NEIL1: variants seen among roughly 807,000 people sequenced by gnomAD.
NEIL1 encodes endonuclease 8-like 1.
A neutral mutation model predicts 44.2 loss-of-function variants in NEIL1; 31 were observed. The ratio of observed to expected loss-of-function variants is 0.70; its 90% CI spans 0.53 to 0.95. NEIL1 has a LOEUF of 0.95. Among genes scored for constraint, NEIL1 ranks in the 40% least tolerant of loss-of-function variants. The pLI, the probability that NEIL1 is intolerant of heterozygous loss-of-function variation, is 0.00. For synonymous variants in NEIL1, 254 were observed against 209.7 expected (o/e 1.21, Z -1.83); for missense variants, 549 against 515.5 (o/e 1.07, Z -0.63).
chr15:75,348,552 A>G, intron 1 of NEIL1: 1 of 1,184,098 alleles, frequency 8.4e-7, no homozygotes, highest in Non-Finnish European at 1.1e-6. Context: ...GAGATCCGTG[A>G]GTGAGGGGAG....
At chr15:75,354,915 T>C (rs759144574) in intron 9 of NEIL1, 49 bp from the exon 10 acceptor site, 17 of 1,611,746 alleles carry the variant, frequency 1.1e-5, no homozygotes, top group Non-Finnish European at 1.1e-5. Flanking sequence ...AAGGCTGCCA[T>C]GGCAGCCCCT....
At chr15:75,351,842 G>C (rs5745916) in intron 2 of NEIL1, 2 of 374,654 alleles carry the variant, frequency 5.3e-6, no homozygotes, top group Non-Finnish European at 1.0e-5. Context: ...GGCTGGTCTC[G>C]ACCTCCTGAC....
Position 75,355,946 on chromosome 15 carries a change from A to G in NEIL1, c.*912A>G. ...CTGAAGCACGAGCAACAGGGACAGC[A>G]CTTGGAAGGGAGAAAAGGTGAGCTT... On this transcript the variant is annotated 3_prime_UTR_variant, in exon 10 of 10. Transcript: ENST00000355059. 6.2e-7 allele frequency: 1 copy of G among 1,614,198 alleles called. No homozygotes were observed. The highest frequency in any genetic ancestry group is 8.5e-7 in the Non-Finnish European group (1 of 1,180,030).
chr15:75,352,331 A>T lies in NEIL1; in HGVS notation c.562A>T (p.Ile188Phe), dbSNP rs1555432103. 3.7e-6 allele frequency: 6 copies of T among 1,614,032 alleles called. No individual in the cohort carries two copies. The highest frequency in any genetic ancestry group is 1.7e-4 in the Middle Eastern group (1 of 6,054). ...GCCTTGCCCCCACTACAGGCTGAAG[A>T]TCCCCCCCTTTGAGAAGGCCCGCTC... is the stretch of plus-strand genomic sequence containing the variant. ...LRAEILYRLK[I>F]PPFEKARSVL... is the part of the protein sequence containing the mutation. Residue 188 changes from isoleucine to phenylalanine, a missense_variant, in exon 4 of 10, where the codon ATC (isoleucine) becomes TTC (phenylalanine). Transcript: ENST00000355059.
In NEIL1 at chr15:75,353,637, A is replaced by T. The variant is rs2072106533; in HGVS notation, c.719-102A>T. On this transcript the variant is annotated intron_variant, in intron 5 of 9. Coordinates refer to ENST00000355059, the MANE Select transcript of NEIL1 (RefSeq NM_024608.4). ...GAGAGTGTGGCCCCTGACTCAGTCCATCAGCTTGTGTAGCTGAGGTCTGGG... is the reference window on the plus strand; with the variant it reads ...GAGAGTGTGGCCCCTGACTCAGTCCTTCAGCTTGTGTAGCTGAGGTCTGGG... The T allele has an allele frequency of 6.4e-6, 8 of 1,240,918 alleles. No individual in the cohort carries two copies. In the African/African-American group the frequency reaches 7.4e-5, roughly 11 times the overall value. 76.9% of individuals were successfully genotyped at this position (1,240,918 alleles called of 1,614,324 possible). A position where few individuals can be genotyped will look rare whatever the true frequency, so the allele number is the denominator to read the frequency against.
intron 1 of NEIL1, chr15:75,347,708 A>C: frequency 1.4e-6 from 1 of 700,444 alleles, no homozygotes; most frequent in African/African-American, 1.9e-5. Flanking sequence ...GGTGCGCTGT[A>C]GGGCTAAGGA....
rs748009833 is a variant in NEIL1, at chr15:75,354,729, A to C, written c.1013A>C (p.Gln338Pro). The C allele has an allele frequency of 1.9e-6, 3 of 1,614,144 alleles. No homozygotes were observed. Among genetic ancestry groups the C allele is most frequent in the Non-Finnish European group, 2.5e-6 (3 of 1,180,038 alleles). The change falls in exon 9 of 10, where the codon CAG becomes CCG. Residue 338 changes from glutamine to proline, a missense_variant. By Grantham distance (76) the Gln-to-Pro change is moderately conservative. Coordinates refer to ENST00000355059, the MANE Select transcript of NEIL1 (RefSeq NM_024608.4). ...GACCTTCCTAAGAGGACTGCAACCC[A>C]GCGGCCTGAGGGGACCAGCCTCCAG... The part of the protein sequence containing the change: ...KRDLPKRTAT[Q>P]RPEGTSLQQD...
At chr15:75,353,997 T>C (rs2072142552) in intron 6 of NEIL1, 131 bp downstream of exon 6, 24 of 1,277,202 alleles carry the variant, frequency 1.9e-5, no homozygotes, top group Non-Finnish European at 2.6e-5. Context: ...TTCCTGAGGG[T>C]CACACCCCTC....
rs28619208 is a variant in NEIL1, at chr15:75,352,258, C to T, written c.554+28C>T. On this transcript the variant is annotated intron_variant, in intron 3 of 9. Transcript: ENST00000355059. The stretch of plus-strand genomic sequence containing the variant: ...CAGCAAGCAGGCATGGGCATGGGGA[C>T]TGCGGTGGGCCAGGTGTGCCCACAT... The T allele has an allele frequency of 9.1e-5, 147 of 1,614,206 alleles. No homozygotes were observed. The African/African-American group carries it at 1.6e-3, about 18-fold the overall frequency.
Position 75,353,826 on chromosome 15 carries a change from G to GCTCCCTGCAGGACCGGCATGGC in NEIL1, c.808_829dup (p.Arg277LeufsTer39), listed in dbSNP as rs771686838. On this transcript the variant is annotated frameshift_variant, in exon 6 of 10. Transcript: ENST00000355059. LOFTEE classifies it high-confidence loss of function. ...CGCTGCTATGGCATGCCAGGCATGAGCTCCCTGCAGGACCGGCATGGCCGT... is the reference window on the plus strand; with the variant it reads ...CGCTGCTATGGCATGCCAGGCATGAGCTCCCTGCAGGACCGGCATGGCCTCCCTGCAGGACCGGCATGGCCGT... 1.2e-6 allele frequency: 2 copies of GCTCCCTGCAGGACCGGCATGGC among 1,613,724 alleles called. No individual in the cohort carries two copies. Among genetic ancestry groups the GCTCCCTGCAGGACCGGCATGGC allele is most frequent in the African/African-American group, 2.7e-5 (2 of 75,050 alleles).
chr15:75,349,494 C>T (rs1033829641), intron 2 of NEIL1, 155 bp downstream of exon 2: 3 of 739,940 alleles, frequency 4.1e-6, no homozygotes, highest in Admixed American at 3.0e-5. Context: ...TGGGTCAGCT[C>T]CCTGAGCCAG....
chr15:75,356,267 C>G lies in NEIL1; in HGVS notation c.*1233C>G, dbSNP rs199912352. Reference sequence around the variant, plus strand: ...GGAGGGGCCGAGGGCAGGCCCAGTTCGGAACCCCGTCCCCAGCACGTCCCA... The same window carrying G: ...GGAGGGGCCGAGGGCAGGCCCAGTTGGGAACCCCGTCCCCAGCACGTCCCA... On this transcript the variant is annotated 3_prime_UTR_variant, in exon 10 of 10. Transcript: ENST00000355059. This position sits in a 1 kb window ranked among gnomAD's most constrained non-coding sequence, Gnocchi z 5.8. 3 of 1,611,188 alleles carry G rather than the reference C, an allele frequency of 1.9e-6. No homozygotes were observed. The highest frequency in any genetic ancestry group is 4.5e-5 in the East Asian group (2 of 44,806).
Position 75,355,794 on chromosome 15 carries a change from C to T in NEIL1, c.*760C>T. 1 of 1,137,048 alleles carries T rather than the reference C, an allele frequency of 8.8e-7. No homozygotes were observed. The highest frequency in any genetic ancestry group is 1.2e-6 in the Non-Finnish European group (1 of 842,660). The allele number at this position is 1,137,048 out of a possible 1,614,324, so 70.4% of individuals were successfully genotyped here. On this transcript the variant is annotated 3_prime_UTR_variant, in exon 10 of 10. Coordinates refer to ENST00000355059, the MANE Select transcript of NEIL1 (RefSeq NM_024608.4). ...CCTAAGGGGACTGAGCAGCAGGGTTCCCGATCCAAGGATTTATTCCACAAG... is the reference window on the plus strand; with the variant it reads ...CCTAAGGGGACTGAGCAGCAGGGTTTCCGATCCAAGGATTTATTCCACAAG...
intron 9 of NEIL1, 45 bp downstream of exon 9, chr15:75,354,863 G>A (rs2072228332): frequency 6.2e-7 from 1 of 1,613,390 alleles, no homozygotes; most frequent in Non-Finnish European, 8.5e-7. Flanking sequence ...TACAGGAGAG[G>A]ATGGGATGGT....
At chr15:75,348,042 C>T in intron 1 of NEIL1, 3 of 1,107,514 alleles carry the variant, frequency 2.7e-6, no homozygotes, top group Non-Finnish European at 3.4e-6. Context: ...GAGTCGATAC[C>T]CCCCACCCCA....
At position 75,356,058 on chromosome 15, in the gene NEIL1, G is replaced by A. The variant is rs759793641; in HGVS notation, c.*1024G>A. The A allele has an allele frequency of 8.1e-6, 13 of 1,613,662 alleles. No individual in the cohort carries two copies. Among genetic ancestry groups the A allele is most frequent in the Admixed American group, 3.3e-5 (2 of 59,980 alleles). ...CTGGAGAACAGGAGGGGCCATGAAG[G>A]CTCTGCGAGGGCGAGACTCGACCCC... On this transcript the variant is annotated 3_prime_UTR_variant, in exon 10 of 10. Coordinates refer to ENST00000355059, the MANE Select transcript of NEIL1 (RefSeq NM_024608.4). This position sits in a 1 kb window ranked among gnomAD's most constrained non-coding sequence, Gnocchi z 5.8.
At chr15:75,352,065 T>C (rs774092699) in intron 2 of NEIL1, 46 bp from the exon 3 acceptor site, 18 of 1,593,678 alleles carry the variant, frequency 1.1e-5, no homozygotes, top group Admixed American at 3.3e-5. Flanking sequence ...CCCCATCCCA[T>C]GGAGGGTGGG....
intron 2 of NEIL1, chr15:75,351,375 A>T: frequency 2.5e-6 from 1 of 402,432 alleles, no homozygotes. Context: ...TCCAGGGCTC[A>T]GGTGATTCTC....
At position 75,356,923 on chromosome 15, in the gene NEIL1, C is replaced by G. The variant is rs746065621; in HGVS notation, c.*1889C>G. ...CACACCTGGAGGGCAGATCCAAGAC[C>G]CACTTGGTGGCCCTGTGCCCCTCTT... On this transcript the variant is annotated 3_prime_UTR_variant, in exon 10 of 10. Transcript: ENST00000355059. The surrounding 1 kb of genome is among the most constrained non-coding windows in gnomAD (Gnocchi z 5.8). The G allele has an allele frequency of 6.3e-7, 1 of 1,599,356 alleles. No homozygotes were observed. The highest frequency in any genetic ancestry group is 1.1e-5 in the South Asian group (1 of 90,782).
Sources: allele counts gnomAD v4.1 joint callset, GRCh38; gene constraint gnomAD v4.1.1; non-coding constraint Gnocchi (gnomAD v3.1); transcripts MANE v1.5; gene names NCBI Gene and HGNC (gene_info 2026-07-23, HGNC 2026-07-21).